The following APCDD1 variants were observed in gnomAD, a reference collection of about 807,000 sequenced individuals.
The protein encoded by APCDD1 is protein APCDD1.
In APCDD1, 15 loss-of-function variants were observed where a neutral mutation model predicts 38.1. That is an observed-to-expected ratio of 0.39 (90% CI 0.26 to 0.61). The LOEUF (loss-of-function observed/expected upper bound fraction) is 0.61. APCDD1 is among the 20% of genes least tolerant of loss of function. The pLI, the probability that APCDD1 is intolerant of heterozygous loss-of-function variation, is 0.49. For synonymous variants in APCDD1, 261 were observed against 279.7 expected, an observed-to-expected ratio of 0.93 and a Z score of 0.67; for missense variants, 647 against 696.2, an observed-to-expected ratio of 0.93 and a Z score of 0.79.
intron 1 of APCDD1, among the ~76,000 whole-genome samples, chr18:10,462,270 A>T (rs1248508828): frequency 1.3e-5 from 2 of 152,388 alleles, no homozygotes; most frequent in African/African-American, 2.4e-5. Flanking sequence ...TGAACTTTGC[A>T]TTGCTAAACA....
intron 3 of APCDD1, among the ~76,000 whole-genome samples, chr18:10,484,162 G>T (rs971077064): frequency 6.6e-6 from 1 of 152,252 alleles, no homozygotes; most frequent in Admixed American, 6.5e-5. Context: ...CTTGCTTAAA[G>T]CTGAGAAAGC....
At chr18:10,486,056 G>A (rs1568008572) in intron 4 of APCDD1, among the ~76,000 whole-genome samples, 1 of 152,184 alleles carries the variant, frequency 6.6e-6, no homozygotes, top group Non-Finnish European at 1.5e-5. Flanking sequence ...GATGTTACTG[G>A]GAATGAAATC....
chr18:10,481,545 C>A (rs1179500144), intron 3 of APCDD1, among the ~76,000 whole-genome samples: 1 of 151,862 alleles, frequency 6.6e-6, no homozygotes, highest in African/African-American at 2.4e-5. Context: ...GAGAATGAGG[C>A]GTTAGTGTTT....
rs1228631644 is a variant in APCDD1 at position 10,470,006 on chromosome 18, T to TA, written c.242+1358dup. Among the ~76,000 whole-genome samples the TA allele has an allele frequency of 6.6e-6, 1 of 152,176 alleles. No individual in the cohort carries two copies. The highest frequency in any genetic ancestry group is 2.4e-5 in the African/African-American group (1 of 41,452). ...AAGAGCTTTCAGCAGGGGCCATGCT[T>TA]AAAATATGATTCAGCTTTTTGAAAG... On this transcript the variant is annotated intron_variant, in intron 2 of 4. Coordinates refer to ENST00000355285, the MANE Select transcript of APCDD1 (RefSeq NM_153000.5). This position sits in a 1 kb window ranked among gnomAD's most constrained non-coding sequence, Gnocchi z 4.1.
intron 3 of APCDD1, among the ~76,000 whole-genome samples, chr18:10,481,515 A>G (rs539495392): frequency 6.6e-6 from 1 of 152,170 alleles, no homozygotes; most frequent in African/African-American, 2.4e-5. Context: ...AGGAGAATGG[A>G]GGTTTCCAGG....
chr18:10,478,463 T>C (rs547609945), intron 3 of APCDD1, among the ~76,000 whole-genome samples: 85 of 152,306 alleles, frequency 5.6e-4, no homozygotes, highest in Non-Finnish European at 1.1e-3. Flanking sequence ...GTTCTGGACG[T>C]TGGAGAGCCA....
In APCDD1 at chr18:10,485,705, T is replaced by A; in HGVS notation, c.1018T>A (p.Ser340Thr). 1.2e-6 allele frequency: 2 copies of A among 1,614,100 alleles called. No individual in the cohort carries two copies. Among genetic ancestry groups the A allele is most frequent in the Non-Finnish European group, 1.7e-6 (2 of 1,180,022 alleles). Reference sequence around the variant, plus strand: ...CCCGGTGTGCAAGCACCCCACCTTCTCCATCTACGCCCGGGGCCGCTACAG... The same window carrying A: ...CCCGGTGTGCAAGCACCCCACCTTCACCATCTACGCCCGGGGCCGCTACAG... The part of the protein sequence containing the change: ...SDPVCKHPTF[S>T]IYARGRYSRG... The change falls in exon 4 of 5, where the codon TCC becomes ACC. Residue 340 changes from serine (S) to threonine (T), a missense_variant. Transcript: ENST00000355285. This position sits in a 1 kb window ranked among gnomAD's most constrained non-coding sequence, Gnocchi z 5.8.
Position 10,471,747 on chromosome 18 carries a change from T to A in APCDD1, c.460T>A (p.Cys154Ser). 3 of 1,613,924 alleles carry A rather than the reference T, an allele frequency of 1.9e-6. No individual in the cohort carries two copies. The highest frequency in any genetic ancestry group is 2.5e-6 in the Non-Finnish European group (3 of 1,179,876). Reference protein sequence around the residue: ...DYQLHNVQVICHTEAVAEKLG... With the variant: ...DYQLHNVQVISHTEAVAEKLG... ...CCAGCTGCACAACGTCCAGGTGATC[T>A]GCCACACAGAGGCGGTGGCCGAGAA... The change falls in exon 3 of 5, where the codon TGC (cysteine) becomes AGC (serine). Residue 154 changes from cysteine (C) to serine (S), a missense_variant. Transcript: ENST00000355285. This position sits in a 1 kb window ranked among gnomAD's most constrained non-coding sequence, Gnocchi z 5.5.
chr18:10,468,599 A>C lies in APCDD1; in HGVS notation c.189A>C (p.Ala63=), dbSNP rs35079028. 556 of 1,614,076 alleles carry C rather than the reference A, an allele frequency of 3.4e-4. 1 individual carries two copies. The African/African-American group carries it at 6.0e-3, about 18-fold the overall frequency. Reference sequence around the variant, plus strand: ...TGCTCAAACATCTCCACAATGGTGCAAGGATCACAGTGCAGATGCCACCTA... The same window carrying C: ...TGCTCAAACATCTCCACAATGGTGCCAGGATCACAGTGCAGATGCCACCTA... ...HHMLKHLHNG[A]RITVQMPPTI... The change falls in exon 2 of 5, where the codon GCA becomes GCC. Residue 63 remains alanine (A), a synonymous_variant. Coordinates refer to ENST00000355285, the MANE Select transcript of APCDD1 (RefSeq NM_153000.5).
At chr18:10,460,076 G>A (rs1288124285) in intron 1 of APCDD1, among the ~76,000 whole-genome samples, 1 of 152,126 alleles carries the variant, frequency 6.6e-6, no homozygotes, top group African/African-American at 2.4e-5. Context: ...TTAGCCCCAC[G>A]TGTGCTTGAA....
At chr18:10,477,580 G>A (rs1568006186) in intron 3 of APCDD1, 1 of 152,230 alleles carries the variant, frequency 6.6e-6, no homozygotes, top group South Asian at 2.1e-4. Context: ...GGAAATATTT[G>A]TTGTCAGGGA....
chr18:10,454,817 G>A lies in APCDD1; in HGVS notation c.-165G>A. The A allele has an allele frequency of 2.0e-6, 2 of 986,806 alleles. No individual in the cohort carries two copies. Among genetic ancestry groups the A allele is most frequent in the Non-Finnish European group, 2.4e-6 (2 of 832,508 alleles). 61.1% of individuals were successfully genotyped at this position (986,806 alleles called of 1,614,324 possible). A position where few individuals can be genotyped will look rare whatever the true frequency, so the allele number is the denominator to read the frequency against. ...ACGGCGCCCAGAGAGCGCGCGCCCC[G>A]CAGCCCCGCGCCTAGCCCGCCGGGC... On this transcript the variant is annotated 5_prime_UTR_variant, in exon 1 of 5. Transcript: ENST00000355285.
intron 1 of APCDD1, among the ~76,000 whole-genome samples, chr18:10,455,852 C>T (rs1337473183): frequency 6.6e-6 from 1 of 152,098 alleles, no homozygotes; most frequent in African/African-American, 2.4e-5. Flanking sequence ...GGTTTTATGG[C>T]GCGTCGGGTT....
intron 1 of APCDD1, among the ~76,000 whole-genome samples, chr18:10,455,799 G>T (rs922461313): frequency 1.3e-5 from 2 of 152,094 alleles, no homozygotes. Context: ...CAGAAATTGC[G>T]CTGAAAACAC....
intron 4 of APCDD1, among the ~76,000 whole-genome samples, chr18:10,487,228 C>T (rs1016247075): frequency 7.2e-5 from 11 of 152,312 alleles, no homozygotes; most frequent in Admixed American, 2.6e-4. Context: ...TTCTTTCAAT[C>T]CCAACGAGTC....
At position 10,485,781 on chromosome 18, in the gene APCDD1, A is replaced by G; in HGVS notation, c.1094A>G (p.Lys365Arg). 2 of 1,612,336 alleles carry G rather than the reference A, an allele frequency of 1.2e-6. No individual in the cohort carries two copies. The highest frequency in any genetic ancestry group is 1.7e-6 in the Non-Finnish European group (2 of 1,180,000). Residue 365 changes from lysine (K) to arginine (R), a missense_variant and splice_region_variant, in exon 4 of 5, where the codon AAA (lysine) becomes AGA (arginine). Coordinates refer to ENST00000355285, the MANE Select transcript of APCDD1 (RefSeq NM_153000.5). The surrounding 1 kb of genome is among the most constrained non-coding windows in gnomAD (Gnocchi z 5.8). ...ATGGGAGGCACCGAGTTCGTGTTCA[A>G]AGGTAGGATTCCCATCTCAAGTCCC... The part of the protein sequence containing the change: ...RVMGGTEFVF[K>R]VNHMKVTPMD...
rs555719581 is a variant in APCDD1, at chr18:10,476,441, A to G, written c.774+4380A>G. On this transcript the variant is annotated intron_variant, in intron 3 of 4. Coordinates refer to ENST00000355285, the MANE Select transcript of APCDD1 (RefSeq NM_153000.5). This position sits in a 1 kb window ranked among gnomAD's most constrained non-coding sequence, Gnocchi z 5.8. The stretch of plus-strand genomic sequence containing the variant: ...CAAGACAGCGTAAAGTAACCCTGAA[A>G]GAAGATGCTTTGCCTGAATCAAGTT... 19 of 152,360 alleles carry G rather than the reference A, an allele frequency of 1.2e-4. No individual in the cohort carries two copies. The highest frequency in any genetic ancestry group is 4.1e-4 in the African/African-American group (17 of 41,578). The allele number at this position is 152,360 out of a possible 1,614,324, so 9.4% of individuals were successfully genotyped here.
chr18:10,464,500 G>A (rs530072447), intron 1 of APCDD1, among the ~76,000 whole-genome samples: 2 of 152,316 alleles, frequency 1.3e-5, no homozygotes, highest in East Asian at 3.9e-4. Context: ...ATAGCTCACT[G>A]CAGCCTTGAA....
chr18:10,480,660 G>T (rs1263737266), intron 3 of APCDD1, among the ~76,000 whole-genome samples: 1 of 151,756 alleles, frequency 6.6e-6, no homozygotes, highest in Non-Finnish European at 1.5e-5. Context: ...TCAGAAGTTT[G>T]AGACCAGCCT....
Sources: allele counts gnomAD v4.1 joint callset (sites outside exome capture counted in the v4.1 genomes callset), GRCh38; gene constraint gnomAD v4.1.1; non-coding constraint Gnocchi (gnomAD v3.1); transcripts MANE v1.5; gene names NCBI Gene and HGNC (gene_info 2026-07-23, HGNC 2026-07-21).